LRP1B: variants seen among roughly 807,000 people sequenced by gnomAD.
The protein encoded by LRP1B is LDL receptor related protein 1B, also known as low-density lipoprotein receptor-related protein 1B.
In LRP1B, 217 loss-of-function variants were observed where a neutral mutation model predicts 556.6. The ratio of observed to expected loss-of-function variants is 0.39; its 90% confidence interval spans 0.35 to 0.44. The LOEUF (loss-of-function observed/expected upper bound fraction) is 0.44, where lower values mean the gene tolerates loss of function less well. Ranked by LOEUF, LRP1B falls within the 20% of genes least tolerant of loss-of-function variation. LRP1B has a pLI of 1.00. For missense variants in LRP1B, 5,053 were observed against 5,620.8 expected (o/e 0.90, Z 3.23); for synonymous variants, 2,047 against 1,865.8 (o/e 1.10, Z -2.50).
rs1215769558 is a variant in LRP1B at position 140,985,463 on chromosome 2, T to C, written c.2771-3187A>G. On this transcript the variant is annotated intron_variant, in intron 17 of 90. Transcript: ENST00000389484. ...GCGCTATGGTGGGGAGAAATGTTGA[T>C]ATGAAACTGTCTAGGCTTGAATATA... is the stretch of plus-strand genomic sequence containing the variant. Among the ~76,000 whole-genome samples the C allele has an allele frequency of 1.3e-5, 2 of 151,492 alleles. 1 individual carries two copies. The highest frequency in any genetic ancestry group is 4.2e-4 in the South Asian group (2 of 4,786).
At chr2:140,336,306 T>G (rs1453095763) in intron 77 of LRP1B, among the ~76,000 whole-genome samples, 2 of 152,012 alleles carry the variant, frequency 1.3e-5, no homozygotes, top group Non-Finnish European at 2.9e-5. Flanking sequence ...CTCAGTAGTA[T>G]TTGTTTACTG....
chr2:141,044,576 A>T (rs1224066589), intron 11 of LRP1B, among the ~76,000 whole-genome samples: 8 of 151,334 alleles, frequency 5.3e-5, no homozygotes, highest in Non-Finnish European at 1.0e-4. Context: ...ATTTACAAGA[A>T]AAAAACAAAC....
intron 7 of LRP1B, among the ~76,000 whole-genome samples, chr2:141,080,540 C>T (rs1699897456): frequency 6.6e-6 from 1 of 152,104 alleles, no homozygotes; most frequent in South Asian, 2.1e-4. Context: ...GTAGCATATG[C>T]AAAAGTAGTG....
chr2:141,026,713 A>G lies in LRP1B; in HGVS notation c.1790-6611T>C, dbSNP rs571187903. Among the ~76,000 whole-genome samples, 185 of 152,202 alleles carry G rather than the reference A, an allele frequency of 1.2e-3. 1 individual carries two copies. Among genetic ancestry groups the G allele is most frequent in the African/African-American group, 4.3e-3 (179 of 41,560 alleles). ...TTTATCTAATAACATCTTTCCATAA[A>G]TATCTAAGAAAACACACACAGTCAT... is the stretch of plus-strand genomic sequence containing the variant. On this transcript the variant is annotated intron_variant, in intron 11 of 90. Coordinates refer to ENST00000389484, the MANE Select transcript of LRP1B (RefSeq NM_018557.3).
intron 3 of LRP1B, chr2:141,286,812 A>G (rs1336693413): frequency 2.7e-6 from 1 of 374,880 alleles, no homozygotes; most frequent in Non-Finnish European, 5.8e-6. Flanking sequence ...ACACTCTCCT[A>G]TTTTCCTTTT....
intron 1 of LRP1B, among the ~76,000 whole-genome samples, chr2:141,964,971 T>C (rs1159555407): frequency 6.7e-6 from 1 of 148,856 alleles, no homozygotes; most frequent in African/African-American, 2.5e-5. Flanking sequence ...AAGACATTTA[T>C]GCAGCCAAAA....
At chr2:141,761,072 G>A (rs889092120) in intron 2 of LRP1B, among the ~76,000 whole-genome samples, 2 of 152,108 alleles carry the variant, frequency 1.3e-5, no homozygotes, top group Non-Finnish European at 1.5e-5. Context: ...GAGCATGTAC[G>A]TTTTATAATG....
At chr2:140,267,039 C>G (rs957313603) in intron 86 of LRP1B, among the ~76,000 whole-genome samples, 2 of 151,818 alleles carry the variant, frequency 1.3e-5, no homozygotes, top group African/African-American at 4.8e-5. Context: ...TAGTGTGTGA[C>G]CTTAATGTTG....
chr2:140,281,578 G>T (rs751057037), intron 84 of LRP1B, among the ~76,000 whole-genome samples: 1 of 151,736 alleles, frequency 6.6e-6, no homozygotes, highest in Non-Finnish European at 1.5e-5. Context: ...GACACTTATT[G>T]TTCTACTTCA....
Position 140,665,411 on chromosome 2 carries a change from A to T in LRP1B, c.6799+34839T>A, listed in dbSNP as rs147912078. Among the ~76,000 whole-genome samples the T allele has an allele frequency of 3.2e-3, 482 of 152,260 alleles. 3 individuals carry two copies. Among genetic ancestry groups the T allele is most frequent in the African/African-American group, 0.011 (466 of 41,552 alleles). The stretch of plus-strand genomic sequence containing the variant: ...GGTCCAGTATTTTTCTACAACATAG[A>T]CTCTATGAAAATAAGTAAACAACCA... On this transcript the variant is annotated intron_variant, in intron 41 of 90. Transcript: ENST00000389484.
At chr2:140,950,205 G>C (rs753212663) in intron 20 of LRP1B, 30 bp downstream of exon 20, 2 of 1,464,168 alleles carry the variant, frequency 1.4e-6, no homozygotes, top group African/African-American at 1.4e-5. Flanking sequence ...CTTTTAAAAT[G>C]AGATTTCATT....
rs1478393745 is a variant in LRP1B, at chr2:141,028,805, G to A, written c.1790-8703C>T. 5.3e-5 allele frequency among the ~76,000 whole-genome samples: 8 copies of A among 152,188 alleles called. 1 individual carries two copies. The highest frequency in any genetic ancestry group is 3.9e-4 in the Admixed American group (6 of 15,278). ...CTATAGTTAATATGAGCCATGAACT[G>A]TTCTAGGCCCTAAGGATCTACCACT... On this transcript the variant is annotated intron_variant, in intron 11 of 90. Coordinates refer to ENST00000389484, the MANE Select transcript of LRP1B (RefSeq NM_018557.3).
chr2:140,925,707 C>T (rs1393210973), intron 20 of LRP1B, among the ~76,000 whole-genome samples: 2 of 152,142 alleles, frequency 1.3e-5, no homozygotes, highest in African/African-American at 2.4e-5. Context: ...GACGAACACA[C>T]TATTGGTCTT....
intron 3 of LRP1B, among the ~76,000 whole-genome samples, chr2:141,402,518 T>C (rs975238712): frequency 1.3e-5 from 2 of 152,000 alleles, no homozygotes; most frequent in East Asian, 1.9e-4. Context: ...TTTTTAATAG[T>C]GTTTGAGGTA....
At chr2:140,843,080 T>TTGGTG (rs1692165512) in intron 29 of LRP1B, among the ~76,000 whole-genome samples, 1 of 20,640 alleles carries the variant, frequency 4.8e-5, no homozygotes, top group Non-Finnish European at 1.1e-4. Flanking sequence ...TTTTTTTTTT[T>TTGGTG]GTTTGTTTTT....
Position 141,215,157 on chromosome 2 carries a change from G to C in LRP1B, c.850+14026C>G, listed in dbSNP as rs922100653. ...GAGTTCCCTTGAGATCTGGTTATTT[G>C]AAAGTGTGTAGCACCTCTCCCCATT... On this transcript the variant is annotated intron_variant, in intron 6 of 90. Transcript: ENST00000389484. Among the ~76,000 whole-genome samples the C allele has an allele frequency of 2.0e-5, 3 of 152,180 alleles. No individual in the cohort carries two copies. The East Asian group carries it at 5.8e-4, about 30-fold the overall frequency.
intron 3 of LRP1B, among the ~76,000 whole-genome samples, chr2:141,263,486 A>G (rs1337394916): frequency 6.6e-6 from 1 of 152,044 alleles, no homozygotes; most frequent in Non-Finnish European, 1.5e-5. Flanking sequence ...GAATATCCCT[A>G]TATATATAGA....
intron 41 of LRP1B, among the ~76,000 whole-genome samples, chr2:140,697,502 G>T (rs1173524315): frequency 6.6e-6 from 1 of 151,686 alleles, no homozygotes; most frequent in African/African-American, 2.4e-5. Context: ...GTTCATTGCA[G>T]CATTAATCAT....
chr2:141,966,004 C>T (rs1306298803), intron 1 of LRP1B, among the ~76,000 whole-genome samples: 1 of 151,590 alleles, frequency 6.6e-6, no homozygotes, highest in Non-Finnish European at 1.5e-5. Context: ...CCTTTCTTAC[C>T]TAAGGCTGGT....
Sources: gnomAD v4.1 joint callset for allele counts (sites outside exome capture counted in the v4.1 genomes callset) on GRCh38, gnomAD v4.1.1 for gene constraint, MANE v1.5 for transcripts, NCBI Gene and HGNC (gene_info 2026-07-23, HGNC 2026-07-21) for gene names.